Variants in SAMD4A observed in about 807,000 individuals in gnomAD.
The protein encoded by SAMD4A is protein Smaug homolog 1.
Under a neutral mutation model 81.3 loss-of-function variants are expected in SAMD4A, and 33 were observed. The ratio of observed to expected loss-of-function variants is 0.41; its 90% confidence interval spans 0.31 to 0.54. SAMD4A has a LOEUF of 0.54. SAMD4A is among the 20% of genes least tolerant of loss of function. The probability of loss-of-function intolerance (pLI) is 0.37; values close to 1 mark genes in which losing one functional copy is unlikely to be tolerated. For synonymous variants in SAMD4A, 389 were observed against 382.1 expected, an observed-to-expected ratio of 1.02 and a Z score of -0.21; for missense variants, 854 against 951.1, an observed-to-expected ratio of 0.90 and a Z score of 1.34.
intron 2 of SAMD4A, among the ~76,000 whole-genome samples, chr14:54,605,880 A>G (rs899745420): frequency 6.6e-6 from 1 of 152,152 alleles, no homozygotes; most frequent in African/African-American, 2.4e-5. Context: ...ACTTTCCATT[A>G]CAGACATTTT....
chr14:54,733,750 A>G (rs563942821), intron 3 of SAMD4A, among the ~76,000 whole-genome samples: 74 of 152,202 alleles, frequency 4.9e-4, no homozygotes, highest in Non-Finnish European at 7.2e-4. Context: ...CTCTGGCTAG[A>G]GACATGCTGG....
chr14:54,766,081 A>G (rs1462893657), intron 8 of SAMD4A, among the ~76,000 whole-genome samples: 1 of 152,096 alleles, frequency 6.6e-6, no homozygotes, highest in African/African-American at 2.4e-5. Flanking sequence ...TGAAAAAAAA[A>G]TGGTTTTTTC....
rs78958423 is a variant in SAMD4A, at chr14:54,604,567, G to A, written c.196+36455G>A. Reference sequence around the variant, plus strand: ...CGTACAATTTTATTCCTGGGACGTCGTTGGAAAACCATTATATTAGATGAT... The same window carrying A: ...CGTACAATTTTATTCCTGGGACGTCATTGGAAAACCATTATATTAGATGAT... On this transcript the variant is annotated intron_variant, in intron 2 of 12. Transcript: ENST00000554335. Among the ~76,000 whole-genome samples the A allele has an allele frequency of 1.2e-4, 19 of 152,258 alleles. No homozygotes were observed. The East Asian group carries it at 2.3e-3, about 19-fold the overall frequency.
chr14:54,709,182 AG>A (rs1420523552), intron 3 of SAMD4A, among the ~76,000 whole-genome samples: 1 of 151,934 alleles, frequency 6.6e-6, no homozygotes, highest in Non-Finnish European at 1.5e-5. Context: ...GAAGCTGAGG[AG>A]GGAGGATCAC....
chr14:54,643,498 C>T (rs1255612150), intron 2 of SAMD4A, among the ~76,000 whole-genome samples: 1 of 152,220 alleles, frequency 6.6e-6, no homozygotes, highest in African/African-American at 2.4e-5. Flanking sequence ...GTCTCCTAGG[C>T]CCGGAGATCC....
At chr14:54,707,494 T>G (rs1474549497) in intron 3 of SAMD4A, among the ~76,000 whole-genome samples, 9 of 152,204 alleles carry the variant, frequency 5.9e-5, no homozygotes, top group Non-Finnish European at 1.2e-4. Flanking sequence ...TCAAGGCACT[T>G]GAGATGTATC....
At chr14:54,768,035 C>A (rs2038598266) in intron 8 of SAMD4A, among the ~76,000 whole-genome samples, 1 of 152,216 alleles carries the variant, frequency 6.6e-6, no homozygotes, top group Non-Finnish European at 1.5e-5. Flanking sequence ...GGGAAGATGT[C>A]ATGTCTGTAA....
intron 3 of SAMD4A, among the ~76,000 whole-genome samples, chr14:54,724,057 C>A (rs1304922198): frequency 3.9e-3 from 190 of 48,284 alleles, no homozygotes; most frequent in African/African-American, 0.011. Context: ...AGGAATAATG[C>A]AGGACGCATC....
At chr14:54,717,608 TG>T (rs2037151802) in intron 3 of SAMD4A, among the ~76,000 whole-genome samples, 1 of 152,150 alleles carries the variant, frequency 6.6e-6, no homozygotes, top group African/African-American at 2.4e-5. Flanking sequence ...TTTATAGATT[TG>T]TTTACTTTTG....
At chr14:54,584,004 A>T (rs1361636683) in intron 2 of SAMD4A, among the ~76,000 whole-genome samples, 1 of 152,236 alleles carries the variant, frequency 6.6e-6, no homozygotes, top group Admixed American at 6.5e-5. Flanking sequence ...GCCTTCTAAA[A>T]TGCAGGTGTA....
chr14:54,759,356 C>T (rs952494336), intron 6 of SAMD4A, among the ~76,000 whole-genome samples: 3 of 152,170 alleles, frequency 2.0e-5, no homozygotes, highest in Non-Finnish European at 2.9e-5. Flanking sequence ...CTTGCTGTTC[C>T]TCAGACTCCC....
Position 54,724,007 on chromosome 14 carries a change from T to TGGATGGAAGGAA in SAMD4A, c.716-13014_716-13013insTGGAAGGAAGGA, listed in dbSNP as rs1555347506. ...AGCAAATATTGGATGGATGGATGGA[T>TGGATGGAAGGAA]GGAAGGAAGGAAGGAAGGAAGGAAG... On this transcript the variant is annotated intron_variant, in intron 3 of 12. Transcript: ENST00000554335. Among the ~76,000 whole-genome samples the TGGATGGAAGGAA allele has an allele frequency of 2.3e-3, 286 of 124,246 alleles. 4 individuals carry two copies. Among genetic ancestry groups the TGGATGGAAGGAA allele is most frequent in the South Asian group, 0.011 (38 of 3,332 alleles). 81.5% of individuals were successfully genotyped at this position (124,246 alleles called of 152,430 possible).
At chr14:54,718,516 C>T (rs2037178207) in intron 3 of SAMD4A, among the ~76,000 whole-genome samples, 1 of 152,162 alleles carries the variant, frequency 6.6e-6, no homozygotes, top group Non-Finnish European at 1.5e-5. Flanking sequence ...CTCTTTGACC[C>T]AGATTGCTTT....
chr14:54,642,219 T>C (rs2140386824), intron 2 of SAMD4A, among the ~76,000 whole-genome samples: 1 of 152,346 alleles, frequency 6.6e-6, no homozygotes, highest in African/African-American at 2.4e-5. Flanking sequence ...ATTTCTTTCC[T>C]GGCATCTCAC....
At chr14:54,689,404 C>CA (rs1423113393) in intron 2 of SAMD4A, among the ~76,000 whole-genome samples, 2 of 152,158 alleles carry the variant, frequency 1.3e-5, no homozygotes, top group Non-Finnish European at 1.5e-5. Context: ...ACATAGTACT[C>CA]ACCATGGGCC....
intron 2 of SAMD4A, among the ~76,000 whole-genome samples, chr14:54,603,649 AAGT>A (rs1010301168): frequency 3.3e-5 from 5 of 152,148 alleles, no homozygotes; most frequent in African/African-American, 1.2e-4. Flanking sequence ...CTCTATGAAT[AAGT>A]AGTTAGACCA....
intron 4 of SAMD4A, among the ~76,000 whole-genome samples, chr14:54,743,598 C>T (rs1320748344): frequency 2.6e-5 from 4 of 152,172 alleles, no homozygotes; most frequent in Non-Finnish European, 2.9e-5. Context: ...AGCACTTTCG[C>T]CTGTCATCTC....
In SAMD4A at chr14:54,660,989, A is replaced by G. The variant is rs556884225; in HGVS notation, c.197-41073A>G. Among the ~76,000 whole-genome samples the G allele has an allele frequency of 8.6e-4, 131 of 152,312 alleles. 1 individual carries two copies. The highest frequency in any genetic ancestry group is 3.1e-3 in the African/African-American group (127 of 41,562). Reference sequence around the variant, plus strand: ...CTCTGGAGGGTTTTTCCACCTATGGACTTGATCAGTGAAGTCCTGTTTCAT... The same window carrying G: ...CTCTGGAGGGTTTTTCCACCTATGGGCTTGATCAGTGAAGTCCTGTTTCAT... On this transcript the variant is annotated intron_variant, in intron 2 of 12. Coordinates refer to ENST00000554335, the MANE Select transcript of SAMD4A (RefSeq NM_015589.6).
chr14:54,621,325 G>T (rs56110021), intron 2 of SAMD4A, among the ~76,000 whole-genome samples: 18,234 of 152,100 alleles, frequency 0.12, 1,258 homozygotes, highest in Middle Eastern at 0.2. Flanking sequence ...CTCTCTATGT[G>T]TTTGTTCTCA....
Sources: allele counts gnomAD v4.1 joint callset (sites outside exome capture counted in the v4.1 genomes callset), GRCh38; gene constraint gnomAD v4.1.1; transcripts MANE v1.5; gene names NCBI Gene and HGNC (gene_info 2026-07-23, HGNC 2026-07-21).